The following SPTAN1 variants were observed in gnomAD, a reference collection of about 807,000 sequenced individuals.
SPTAN1 encodes spectrin alpha chain, non-erythrocytic 1.
SPTAN1 carries 61 observed loss-of-function variants against 331.3 expected under a neutral mutation model. The ratio of observed to expected loss-of-function variants is 0.18; its 90% CI spans 0.15 to 0.23. The LOEUF (loss-of-function observed/expected upper bound fraction) is 0.23, where lower values mean the gene tolerates loss of function less well. Ranked by LOEUF, SPTAN1 falls within the 10% of genes least tolerant of loss-of-function variation. The pLI, the probability that SPTAN1 is intolerant of heterozygous loss-of-function variation, is 1.00. For missense variants in SPTAN1, 2,043 were observed against 3,147.9 expected, an observed-to-expected ratio of 0.65 and a Z score of 8.40; for synonymous variants, 1,153 against 1,173.9, an observed-to-expected ratio of 0.98 and a Z score of 0.36.
chr9:128,566,634 C>T (rs891904044), intron 1 of SPTAN1, 104 bp from the exon 2 acceptor site: 1 of 1,543,586 alleles, frequency 6.5e-7, no homozygotes, highest in Non-Finnish European at 8.9e-7. Flanking sequence ...TCATTTGTCT[C>T]CTGGGTTTAT....
intron 24 of SPTAN1, among the ~76,000 whole-genome samples, chr9:128,597,678 T>C (rs1472721783): frequency 6.6e-6 from 1 of 152,092 alleles, no homozygotes. Context: ...AGACAGAGTC[T>C]TGCTCTGTTG....
At chr9:128,555,349 ACT>A (rs1227435878) in intron 1 of SPTAN1, 1 of 1,288,494 alleles carries the variant, frequency 7.8e-7, no homozygotes, top group Non-Finnish European at 1.0e-6. Context: ...CCCTCTTTAG[ACT>A]CCACATTCCT....
intron 45 of SPTAN1, among the ~76,000 whole-genome samples, chr9:128,623,094 C>T (rs1011440456): frequency 1.3e-5 from 2 of 149,602 alleles, no homozygotes; most frequent in South Asian, 2.1e-4. Context: ...TTGCTCTTGT[C>T]GCCCAGGCTG....
At position 128,627,545 on chromosome 9, in the gene SPTAN1, C is replaced by T; in HGVS notation, c.6689+47C>T. ...GGAGCAGCAGCATGTCCCTGCTGTA[C>T]TTAAGCCCTGGGGAGCTTCCAGCCC... On this transcript the variant is annotated intron_variant, in intron 50 of 56. Coordinates refer to ENST00000372739, the MANE Select transcript of SPTAN1 (RefSeq NM_001130438.3). The surrounding 1 kb of genome is among the most constrained non-coding windows in gnomAD (Gnocchi z 4.9). The T allele has an allele frequency of 6.7e-7, 1 of 1,503,450 alleles. No homozygotes were observed. The highest frequency in any genetic ancestry group is 9.1e-7 in the Non-Finnish European group (1 of 1,103,824). The allele number at this position is 1,503,450 out of a possible 1,614,324, so 93.1% of individuals were successfully genotyped here.
chr9:128,583,474 T>A (rs1233592117), intron 15 of SPTAN1, among the ~76,000 whole-genome samples, 193 bp downstream of exon 15: 1 of 152,176 alleles, frequency 6.6e-6, no homozygotes, highest in African/African-American at 2.4e-5. Context: ...TCGAGCATAC[T>A]GGTTGGTGAG....
intron 1 of SPTAN1, among the ~76,000 whole-genome samples, chr9:128,564,351 A>G (rs1984185): frequency 0.97 from 147,580 of 151,818 alleles, 71,877 homozygotes; most frequent in East Asian, 1. Flanking sequence ...CCCGGGATGC[A>G]GAGGTTTCAA....
intron 32 of SPTAN1, 31 bp from the exon 33 acceptor site, chr9:128,607,821 A>C (rs776538429): frequency 4.3e-6 from 7 of 1,613,454 alleles, no homozygotes; most frequent in Non-Finnish European, 5.9e-6. Context: ...ATCTGCTGCC[A>C]GTTACCTAAT....
chr9:128,620,999 CTATT>C (rs891107285), intron 44 of SPTAN1, among the ~76,000 whole-genome samples, 155 bp from the exon 45 acceptor site: 23 of 152,182 alleles, frequency 1.5e-4, no homozygotes, highest in African/African-American at 4.6e-4. Context: ...TTATGATTCT[CTATT>C]TATTAATGTT....
At position 128,566,732 on chromosome 9, in the gene SPTAN1, T is replaced by G; in HGVS notation, c.-3-6T>G. The G allele has an allele frequency of 6.2e-7, 1 of 1,614,152 alleles. No homozygotes were observed. The highest frequency in any genetic ancestry group is 1.1e-5 in the South Asian group (1 of 91,060). On this transcript the variant is annotated splice_region_variant and splice_polypyrimidine_tract_variant and intron_variant, in intron 1 of 56. Transcript: ENST00000372739. ...GTACTTATCTCAGCGCATTTTGTCA[T>G]TTCAGAAAATGGACCCAAGTGGGGT... is the stretch of plus-strand genomic sequence containing the variant.
intron 1 of SPTAN1, among the ~76,000 whole-genome samples, chr9:128,554,556 C>T (rs531885782): frequency 6.6e-6 from 1 of 151,968 alleles, no homozygotes; most frequent in African/African-American, 2.4e-5. Flanking sequence ...CCCCCATGTC[C>T]TGTCACTGCT....
chr9:128,560,719 C>CT (rs1289795304), intron 1 of SPTAN1, among the ~76,000 whole-genome samples: 2 of 151,880 alleles, frequency 1.3e-5, no homozygotes, highest in Admixed American at 1.3e-4. Context: ...TGAAAAGGAA[C>CT]TAATAAAGAG....
chr9:128,619,794 C>G (rs1391555822), intron 44 of SPTAN1, among the ~76,000 whole-genome samples: 2 of 152,226 alleles, frequency 1.3e-5, no homozygotes, highest in African/African-American at 2.4e-5. Flanking sequence ...TTAACTGTTG[C>G]TACATAACAA....
At chr9:128,586,789 A>C (rs756096724) in intron 19 of SPTAN1, among the ~76,000 whole-genome samples, 29 of 149,754 alleles carry the variant, frequency 1.9e-4, no homozygotes, top group Non-Finnish European at 3.8e-4. Context: ...ACCACTCTTC[A>C]CAAAAACTAG....
intron 45 of SPTAN1, among the ~76,000 whole-genome samples, chr9:128,623,622 A>ATTTTTTTTTT (rs777632874): frequency 9.9e-4 from 116 of 117,056 alleles, no homozygotes; most frequent in Non-Finnish European, 1.2e-3. Context: ...AACCTGGCTA[A>ATTTTTTTTTT]TTTTTTTTTT....
rs587784432 is a variant in SPTAN1 at position 128,582,720 on chromosome 9, C to G, written c.1677C>G (p.His559Gln). 3.1e-6 allele frequency: 5 copies of G among 1,613,864 alleles called. No homozygotes were observed. Among genetic ancestry groups the G allele is most frequent in the South Asian group, 1.1e-5 (1 of 91,086 alleles). ...TGTTGAGCCGCCGCAATGCCCTTCA[C>G]GAGAGAGCCATGCGTCGCCGGGCCC... ...DALLSRRNAL[H>Q]ERAMRRRAQL... is the part of the protein sequence containing the mutation. The change falls in exon 14 of 57, where the codon CAC (histidine) becomes CAG (glutamine). Residue 559 changes from histidine to glutamine, a missense_variant. By Grantham distance (24) the His-to-Gln change is conservative. Transcript: ENST00000372739.
At chr9:128,624,206 C>G (rs1858385354) in intron 45 of SPTAN1, 122 bp from the exon 46 acceptor site, 1 of 1,104,674 alleles carries the variant, frequency 9.1e-7, no homozygotes, top group Non-Finnish European at 1.3e-6. Flanking sequence ...ATTGTTTACC[C>G]AGCAGTGGAC....
intron 29 of SPTAN1, 23 bp from the exon 30 acceptor site, chr9:128,605,011 A>ACCTGAAT: frequency 1.2e-6 from 2 of 1,613,956 alleles, no homozygotes; most frequent in East Asian, 4.5e-5. Context: ...GCATTTCTTA[A>ACCTGAAT]CCTGAATGTG....
chr9:128,570,330 A>ATATT (rs1850540639), intron 3 of SPTAN1, among the ~76,000 whole-genome samples: 4 of 71,894 alleles, frequency 5.6e-5, no homozygotes, highest in African/African-American at 2.3e-4. Flanking sequence ...ATATATATAT[A>ATATT]TTTTTTTTTT....
intron 45 of SPTAN1, chr9:128,621,797 T>C: frequency 5.9e-6 from 1 of 168,382 alleles, no homozygotes; most frequent in Non-Finnish European, 1.3e-5. Flanking sequence ...TTCGCAGCCC[T>C]TTTGGGAGAA....
Sources: gnomAD v4.1 joint callset for allele counts (sites outside exome capture counted in the v4.1 genomes callset) on GRCh38, gnomAD v4.1.1 for gene constraint, Gnocchi (gnomAD v3.1) non-coding constraint, MANE v1.5 for transcripts, NCBI Gene and HGNC (gene_info 2026-07-23, HGNC 2026-07-21) for gene names.